Variants in NCOR1 observed in about 807,000 individuals in gnomAD.
NCOR1 encodes the protein nuclear receptor corepressor 1.
NCOR1 carries 63 observed loss-of-function variants against 288.1 expected under a neutral mutation model. The observed-to-expected ratio is 0.22, with a 90% CI of 0.18 to 0.27. NCOR1 has a LOEUF of 0.27. Ranked by LOEUF, NCOR1 falls within the 10% of genes least tolerant of loss-of-function variation. The probability of loss-of-function intolerance (pLI) is 1.00; values close to 1 mark genes in which losing one functional copy is unlikely to be tolerated. For synonymous variants in NCOR1, 1,007 were observed against 1,065.9 expected (o/e 0.94, Z 1.08); for missense variants, 2,397 against 3,019.2 (o/e 0.79, Z 4.83).
At chr17:16,042,075 T>A (rs2057811584) in intron 42 of NCOR1, among the ~76,000 whole-genome samples, 1 of 152,152 alleles carries the variant, frequency 6.6e-6, no homozygotes, top group Admixed American at 6.5e-5. Context: ...GGATGGACTC[T>A]TACCCAAGGG....
At chr17:16,170,989 T>C (rs1409745999) in intron 4 of NCOR1, among the ~76,000 whole-genome samples, 3 of 152,164 alleles carry the variant, frequency 2.0e-5, no homozygotes, top group Middle Eastern at 3.4e-3. Flanking sequence ...TCACAAAATA[T>C]AGCTAAATAT....
intron 10 of NCOR1, 100 bp downstream of exon 10, chr17:16,146,258 TCCCCCTCTCCGAGAAACA>T: frequency 2.3e-6 from 2 of 877,604 alleles, no homozygotes; most frequent in Non-Finnish European, 3.4e-6. Context: ...CCCTGCCAAA[TCCCCCTCTCCGAGAAACA>T]CCCAAGAATG....
chr17:16,062,020 G>A, intron 36 of NCOR1, 85 bp downstream of exon 36: 1 of 1,582,128 alleles, frequency 6.3e-7, no homozygotes, highest in Non-Finnish European at 8.6e-7. Flanking sequence ...AGAAAAGCAT[G>A]ACTATACTTA....
At chr17:16,048,386 G>A (rs558539627) in intron 41 of NCOR1, among the ~76,000 whole-genome samples, 8 of 152,292 alleles carry the variant, frequency 5.3e-5, no homozygotes, top group Non-Finnish European at 1.0e-4. Context: ...TCAGGTGGAG[G>A]TATGGAGACT....
chr17:16,163,076 A>G (rs1023546752), intron 5 of NCOR1, among the ~76,000 whole-genome samples: 10 of 152,180 alleles, frequency 6.6e-5, no homozygotes, highest in African/African-American at 1.9e-4. Context: ...TAAAATGTGT[A>G]GAAGAAAACA....
chr17:16,209,246 A>G (rs1568702249), intron 1 of NCOR1, among the ~76,000 whole-genome samples: 1 of 152,142 alleles, frequency 6.6e-6, no homozygotes, highest in Non-Finnish European at 1.5e-5. Flanking sequence ...TAGATGTAGT[A>G]GAGTTTGGAA....
chr17:16,160,560 G>A (rs1263455010), intron 5 of NCOR1, among the ~76,000 whole-genome samples: 3 of 152,216 alleles, frequency 2.0e-5, no homozygotes. Flanking sequence ...GGGAGGCCAA[G>A]ACGGTAGATC....
At chr17:16,202,445 T>C (rs2090961996) in intron 1 of NCOR1, among the ~76,000 whole-genome samples, 2 of 150,394 alleles carry the variant, frequency 1.3e-5, no homozygotes, top group Non-Finnish European at 1.5e-5. Context: ...CCAAAGTGGA[T>C]GACTACATGC....
intron 23 of NCOR1, among the ~76,000 whole-genome samples, chr17:16,083,798 T>A (rs2063777928): frequency 3.9e-5 from 6 of 152,196 alleles, no homozygotes; most frequent in Admixed American, 3.9e-4. Context: ...TTTGTGCTAC[T>A]TTCCCCTTAC....
Position 16,212,417 on chromosome 17 carries a change from T to A in NCOR1, c.-71+2945A>T, listed in dbSNP as rs922642925. ...CTCATACTGGTTGAATATAAGTGAG[T>A]AAACAAAAATATATGAATCTCTAAT... On this transcript the variant is annotated intron_variant, in intron 1 of 45. Coordinates refer to ENST00000268712, the MANE Select transcript of NCOR1 (RefSeq NM_006311.4). Among the ~76,000 whole-genome samples, 4 of 152,056 alleles carry A rather than the reference T, an allele frequency of 2.6e-5. 1 individual carries two copies. The highest frequency in any genetic ancestry group is 4.4e-5 in the Non-Finnish European group (3 of 68,024).
At chr17:16,091,464 C>T in intron 22 of NCOR1, 1 of 740,382 alleles carries the variant, frequency 1.4e-6, no homozygotes, top group Non-Finnish European at 1.7e-6. Flanking sequence ...ATCCACTACA[C>T]AAAGTTGTGT....
chr17:16,209,442 C>T (rs1405303631), intron 1 of NCOR1, among the ~76,000 whole-genome samples: 1 of 152,028 alleles, frequency 6.6e-6, no homozygotes, highest in Admixed American at 6.6e-5. Context: ...ATTTTATAGG[C>T]CAGGCATGGT....
chr17:16,094,700 G>C (rs371880817), intron 21 of NCOR1, among the ~76,000 whole-genome samples: 1 of 152,158 alleles, frequency 6.6e-6, no homozygotes, highest in East Asian at 1.9e-4. Context: ...GAGTGCCTGC[G>C]ATTGCAGGCG....
At chr17:16,059,225 CTGATTCCAA>C (rs2060287982) in intron 37 of NCOR1, among the ~76,000 whole-genome samples, 1 of 151,264 alleles carries the variant, frequency 6.6e-6, no homozygotes, top group Non-Finnish European at 1.5e-5. Context: ...ATCTCAATAA[CTGATTCCAA>C]TGATTCCAAT....
chr17:16,092,098 T>C, intron 21 of NCOR1, 40 bp from the exon 22 acceptor site: 2 of 1,598,944 alleles, frequency 1.3e-6, no homozygotes, highest in Non-Finnish European at 1.7e-6. Flanking sequence ...AAACAACCAA[T>C]GTAATAATTG....
intron 21 of NCOR1, among the ~76,000 whole-genome samples, chr17:16,096,099 G>A (rs917618853): frequency 6.6e-6 from 1 of 152,260 alleles, no homozygotes; most frequent in Middle Eastern, 3.4e-3. Context: ...GGTGCAAGAT[G>A]TGCTTTGTTA....
rs1251666331 is a variant in NCOR1 at position 16,032,415 on chromosome 17, C to T, written c.7204G>A (p.Ala2402Thr). The T allele has an allele frequency of 3.7e-6, 6 of 1,613,918 alleles. No individual in the cohort carries two copies. In the East Asian group the frequency reaches 8.9e-5, roughly 24 times the overall value. Residue 2402 changes from alanine (A) to threonine (T), a missense_variant, in exon 46 of 46, where the codon GCA (alanine) becomes ACA (threonine). Ala to Thr is a moderately conservative substitution (Grantham distance 58). Coordinates refer to ENST00000268712, the MANE Select transcript of NCOR1 (RefSeq NM_006311.4). ...TGGTTCACCGCAGAGGGAGCACATGCAATCGGTGTTGGTGGAGTACTGCTG... is the reference window on the plus strand; with the variant it reads ...TGGTTCACCGCAGAGGGAGCACATGTAATCGGTGTTGGTGGAGTACTGCTG... Reference protein sequence around the residue: ...MLSSTPPTPIACAPSAVNQAA... With the variant: ...MLSSTPPTPITCAPSAVNQAA...
At position 16,178,041 on chromosome 17, in the gene NCOR1, C is replaced by A. The variant is rs181602538; in HGVS notation, c.243-6046G>T. On this transcript the variant is annotated intron_variant, in intron 3 of 45. Transcript: ENST00000268712. ...CCTGGCCAACATGGTGAAACCCCAC[C>A]TCTACCAAAAATATAAAATTAGCCA... Among the ~76,000 whole-genome samples, 8 of 151,830 alleles carry A rather than the reference C, an allele frequency of 5.3e-5. No homozygotes were observed. The East Asian group carries it at 1.4e-3, about 26-fold the overall frequency.
chr17:16,121,580 A>ACCTG (rs1194523995), intron 15 of NCOR1, among the ~76,000 whole-genome samples: 12 of 152,290 alleles, frequency 7.9e-5, no homozygotes, highest in African/African-American at 2.6e-4. Flanking sequence ...AAAGCCCTAG[A>ACCTG]CCTGCAATCC....
Sources: allele counts gnomAD v4.1 joint callset (sites outside exome capture counted in the v4.1 genomes callset), GRCh38; gene constraint gnomAD v4.1.1; transcripts MANE v1.5; gene names NCBI Gene and HGNC (gene_info 2026-07-23, HGNC 2026-07-21).